FBXO25: variants seen among roughly 807,000 people sequenced by gnomAD.
FBXO25 encodes F-box protein 25.
FBXO25 carries 45 observed loss-of-function variants against 51.9 expected under a neutral mutation model. The ratio of observed to expected loss-of-function variants is 0.87; its 90% CI spans 0.68 to 1.11. The LOEUF (loss-of-function observed/expected upper bound fraction) is 1.11, where lower values mean the gene tolerates loss of function less well. Among genes scored for constraint, FBXO25 ranks in the 50% most tolerant of loss-of-function variants. FBXO25 has a pLI of 0.00. For synonymous variants in FBXO25, 199 were observed against 151.0 expected (o/e 1.32, Z -2.33); for missense variants, 507 against 428.5 (o/e 1.18, Z -1.62).
intron 1 of FBXO25, among the ~76,000 whole-genome samples, chr8:409,444 C>G (rs1273884842): frequency 1.3e-5 from 2 of 152,100 alleles, no homozygotes; most frequent in Non-Finnish European, 2.9e-5. Context: ...AAATTCAGAC[C>G]AAACTATTCA....
chr8:475,225 G>T lies in FBXO25; in HGVS notation c.*6421G>T. ...TGTCCTTTCTCCCTTGAATGGTCTTGGCACCATCAAAAATCATTTGACCCA... is the reference window on the plus strand; with the variant it reads ...TGTCCTTTCTCCCTTGAATGGTCTTTGCACCATCAAAAATCATTTGACCCA... On this transcript the variant is annotated 3_prime_UTR_variant, in exon 10 of 10. Coordinates refer to ENST00000350302, the MANE Select transcript of FBXO25 (RefSeq NM_183420.2). 3.5e-6 allele frequency: 1 copy of T among 285,636 alleles called. No individual in the cohort carries two copies. The highest frequency in any genetic ancestry group is 6.7e-6 in the Non-Finnish European group (1 of 149,518). 17.7% of individuals were successfully genotyped at this position (285,636 alleles called of 1,614,324 possible).
In FBXO25 at chr8:470,739, C is replaced by G. The variant is rs1235256719; in HGVS notation, c.*1935C>G. 1 of 152,120 alleles carries G rather than the reference C, an allele frequency of 6.6e-6. No individual in the cohort carries two copies. The highest frequency in any genetic ancestry group is 1.9e-4 in the East Asian group (1 of 5,188). The allele number at this position is 152,120 out of a possible 1,614,324, so 9.4% of individuals were successfully genotyped here. On this transcript the variant is annotated 3_prime_UTR_variant, in exon 10 of 10. Coordinates refer to ENST00000350302, the MANE Select transcript of FBXO25 (RefSeq NM_183420.2). ...GTAAGTACATTGAGTTTCCATTATC[C>G]CTGAAGCACAGGTATTTCTTTTTCT...
chr8:464,906 C>G (rs1263002781), intron 9 of FBXO25, among the ~76,000 whole-genome samples: 1 of 152,220 alleles, frequency 6.6e-6, no homozygotes, highest in Admixed American at 6.5e-5. Flanking sequence ...AGTAGTACAA[C>G]TGTCTTGTAG....
chr8:470,165 G>A lies in FBXO25; in HGVS notation c.*1361G>A, dbSNP rs1043066054. 2 of 152,046 alleles carry A rather than the reference G, an allele frequency of 1.3e-5. No homozygotes were observed. Among genetic ancestry groups the A allele is most frequent in the African/African-American group, 4.8e-5 (2 of 41,388 alleles). 9.4% of individuals were successfully genotyped at this position (152,046 alleles called of 1,614,324 possible). ...TTAGCTCCACAGAATCACCCAGATG[G>A]AACAGGCTTTTTCATCACAACATAT... On this transcript the variant is annotated 3_prime_UTR_variant, in exon 10 of 10. Transcript: ENST00000350302.
rs1241923023 is a variant in FBXO25 at position 425,363 on chromosome 8, A to G, written c.135-5978A>G. ...TCCCTTTCTTTTCCTTATCTTTTACAATGTTTAAATTTTCTTCTGTTAGCA... is the reference window on the plus strand; with the variant it reads ...TCCCTTTCTTTTCCTTATCTTTTACGATGTTTAAATTTTCTTCTGTTAGCA... On this transcript the variant is annotated intron_variant, in intron 2 of 9. Coordinates refer to ENST00000350302, the MANE Select transcript of FBXO25 (RefSeq NM_183420.2). Among the ~76,000 whole-genome samples, 9 of 150,478 alleles carry G rather than the reference A, an allele frequency of 6.0e-5. No homozygotes were observed. In the East Asian group the frequency reaches 1.2e-3, roughly 19 times the overall value.
At chr8:417,420 G>A (rs1216013608) in intron 2 of FBXO25, among the ~76,000 whole-genome samples, 2 of 152,250 alleles carry the variant, frequency 1.3e-5, no homozygotes, top group African/African-American at 4.8e-5. Flanking sequence ...GGTGGATGAG[G>A]AAGGGCTCAA....
At position 471,229 on chromosome 8, in the gene FBXO25, G is replaced by T. The variant is rs1040579805; in HGVS notation, c.*2425G>T. 2 of 152,306 alleles carry T rather than the reference G, an allele frequency of 1.3e-5. No homozygotes were observed. Among genetic ancestry groups the T allele is most frequent in the Non-Finnish European group, 2.9e-5 (2 of 68,112 alleles). The allele number at this position is 152,306 out of a possible 1,614,324, so 9.4% of individuals were successfully genotyped here. On this transcript the variant is annotated 3_prime_UTR_variant, in exon 10 of 10. Coordinates refer to ENST00000350302, the MANE Select transcript of FBXO25 (RefSeq NM_183420.2). ...TGCAGGTGCGTTCGAGGGACAAGCT[G>T]TGGGAGCTGGGCAGGTAAGCAGGGA...
At chr8:444,971 C>CT (rs2116681640) in intron 5 of FBXO25, among the ~76,000 whole-genome samples, 1 of 152,344 alleles carries the variant, frequency 6.6e-6, no homozygotes, top group East Asian at 1.9e-4. Context: ...GTATAAAAAA[C>CT]TTCCTACAAT....
chr8:434,218 T>C (rs139122470), intron 4 of FBXO25, among the ~76,000 whole-genome samples: 209 of 152,304 alleles, frequency 1.4e-3, no homozygotes, highest in African/African-American at 4.7e-3. Flanking sequence ...TGCTTGTCCA[T>C]GCTGGCTGGT....
Position 475,002 on chromosome 8 carries a change from G to C in FBXO25, c.*6198G>C. On this transcript the variant is annotated 3_prime_UTR_variant, in exon 10 of 10. Coordinates refer to ENST00000350302, the MANE Select transcript of FBXO25 (RefSeq NM_183420.2). ...AGTTGTTTCTTTCTTTTAGTTACCT[G>C]TGTGTGCCTCTGGTGTCATATCTAA... The C allele has an allele frequency of 2.5e-6, 1 of 401,126 alleles. No homozygotes were observed. Among genetic ancestry groups the C allele is most frequent in the South Asian group, 1.9e-5 (1 of 53,234 alleles). 24.8% of individuals were successfully genotyped at this position (401,126 alleles called of 1,614,324 possible). A position where few individuals can be genotyped will look rare whatever the true frequency, so the allele number is the denominator to read the frequency against.
Position 444,624 on chromosome 8 carries a change from TCTTTA to T in FBXO25, c.382-5362_382-5358del, listed in dbSNP as rs1344222424. On this transcript the variant is annotated intron_variant, in intron 5 of 9. Transcript: ENST00000350302. ...TTTCTCTTTATCTAATTCTTCCACATCTTTACTTGTTTAGAATTGTCAGATTTGAG... is the reference window on the plus strand; with the variant it reads ...TTTCTCTTTATCTAATTCTTCCACATCTTGTTTAGAATTGTCAGATTTGAG... 5.3e-5 allele frequency among the ~76,000 whole-genome samples: 8 copies of T among 152,370 alleles called. No homozygotes were observed. The East Asian group carries it at 5.8e-4, about 11-fold the overall frequency.
intron 9 of FBXO25, chr8:467,790 C>T: frequency 3.1e-6 from 5 of 1,611,282 alleles, no homozygotes; most frequent in Middle Eastern, 1.7e-4. Flanking sequence ...GGGATGAAAA[C>T]GTTGCATCGT....
At chr8:433,951 C>T (rs945106125) in intron 4 of FBXO25, among the ~76,000 whole-genome samples, 3 of 152,184 alleles carry the variant, frequency 2.0e-5, no homozygotes, top group Non-Finnish European at 4.4e-5. Context: ...TTGTGAAAAA[C>T]AAAATTTAGT....
At chr8:431,565 C>A in intron 3 of FBXO25, 121 bp downstream of exon 3, 1 of 527,908 alleles carries the variant, frequency 1.9e-6, no homozygotes, top group East Asian at 3.5e-5. Flanking sequence ...AGCCCAGTAT[C>A]CAGCATTGCC....
At chr8:419,085 C>T (rs1262665043) in intron 2 of FBXO25, among the ~76,000 whole-genome samples, 4 of 152,014 alleles carry the variant, frequency 2.6e-5, no homozygotes, top group Non-Finnish European at 4.4e-5. Flanking sequence ...AACGGCTGGG[C>T]GTGGTGGCGC....
intron 1 of FBXO25, among the ~76,000 whole-genome samples, chr8:407,954 C>A (rs553014228): frequency 3.9e-5 from 6 of 152,188 alleles, no homozygotes; most frequent in Non-Finnish European, 8.8e-5. Context: ...ACCATTTCTT[C>A]CCTTATGAAG....
At chr8:459,267 G>T (rs1159298503) in intron 8 of FBXO25, among the ~76,000 whole-genome samples, 1 of 152,222 alleles carries the variant, frequency 6.6e-6, no homozygotes, top group East Asian at 1.9e-4. Flanking sequence ...TTGAACTGTG[G>T]TCAGCACCTT....
At chr8:439,013 T>A (rs543773293) in intron 5 of FBXO25, among the ~76,000 whole-genome samples, 1 of 152,300 alleles carries the variant, frequency 6.6e-6, no homozygotes, top group African/African-American at 2.4e-5. Context: ...GTGGAGTAAG[T>A]GTGTCCCAAC....
intron 7 of FBXO25, among the ~76,000 whole-genome samples, chr8:455,292 C>T (rs944871019): frequency 1.3e-5 from 2 of 152,166 alleles, no homozygotes; most frequent in African/African-American, 4.8e-5. Context: ...AGGCAGGGAC[C>T]AGCCAGGTTG....
Sources: allele counts gnomAD v4.1 joint callset (sites outside exome capture counted in the v4.1 genomes callset), GRCh38; gene constraint gnomAD v4.1.1; transcripts MANE v1.5; gene names NCBI Gene and HGNC (gene_info 2026-07-23, HGNC 2026-07-21).